Variants in CALN1 observed in about 807,000 individuals in gnomAD.
CALN1 encodes calneuron 1.
CALN1 carries 17 observed loss-of-function variants against 30.6 expected under a neutral mutation model. The ratio of observed to expected loss-of-function variants is 0.56; its 90% CI spans 0.38 to 0.83. CALN1 has a LOEUF of 0.83. Among genes scored for constraint, CALN1 ranks in the 40% least tolerant of loss-of-function variants. The pLI, the probability that CALN1 is intolerant of heterozygous loss-of-function variation, is 0.00. For synonymous variants in CALN1, 156 were observed against 131.4 expected (o/e 1.19, Z -1.28); for missense variants, 291 against 354.9 (o/e 0.82, Z 1.45).
intron 5 of CALN1, among the ~76,000 whole-genome samples, chr7:71,922,558 A>AATGTATT (rs1227078415): frequency 2.5e-5 from 2 of 79,666 alleles, no homozygotes; most frequent in Non-Finnish European, 5.0e-5. Context: ...TAACACACAG[A>AATGTATT]TTATATATAA....
intron 2 of CALN1, among the ~76,000 whole-genome samples, chr7:72,402,825 T>C (rs764486311): frequency 1.8e-4 from 28 of 152,320 alleles, no homozygotes; most frequent in Non-Finnish European, 3.7e-4. Context: ...CCTTTGGCTG[T>C]GATCTCAGTC....
In CALN1 at chr7:72,189,180, G is replaced by A. The variant is rs117618051; in HGVS notation, c.245-82886C>T. Among the ~76,000 whole-genome samples the A allele has an allele frequency of 3.2e-3, 481 of 152,334 alleles. 1 individual carries two copies. Among genetic ancestry groups the A allele is most frequent in the Non-Finnish European group, 6.0e-3 (405 of 68,030 alleles). ...AACATAGCCATGGCTGAGAATCGTT[G>A]TGGATTATCATGATAGGAAATTGAC... On this transcript the variant is annotated intron_variant, in intron 3 of 6. Coordinates refer to ENST00000395275, the MANE Select transcript of CALN1 (RefSeq NM_031468.4).
chr7:72,157,655 G>A (rs996198089), intron 3 of CALN1, among the ~76,000 whole-genome samples: 6 of 152,176 alleles, frequency 3.9e-5, no homozygotes, highest in African/African-American at 1.4e-4. Context: ...AAGTGGAAAT[G>A]GAGGGACAGA....
At chr7:71,883,328 C>T (rs1020457857) in intron 5 of CALN1, among the ~76,000 whole-genome samples, 5 of 152,022 alleles carry the variant, frequency 3.3e-5, no homozygotes, top group African/African-American at 4.8e-5. Context: ...ATGGGAGGAT[C>T]GCTTGAAGCC....
At chr7:72,404,341 G>T (rs1339356285) in intron 1 of CALN1, among the ~76,000 whole-genome samples, 1 of 152,166 alleles carries the variant, frequency 6.6e-6, no homozygotes, top group Non-Finnish European at 1.5e-5. Context: ...AAAATAATTG[G>T]TGCTCAATAA....
intron 5 of CALN1, among the ~76,000 whole-genome samples, chr7:71,849,320 C>T (rs760617180): frequency 5.3e-5 from 8 of 152,142 alleles, no homozygotes; most frequent in Admixed American, 2.6e-4. Context: ...TATATATGGA[C>T]TCCCAGTCCA....
intron 5 of CALN1, among the ~76,000 whole-genome samples, chr7:71,999,019 G>A (rs1248072240): frequency 1.3e-5 from 2 of 152,086 alleles, no homozygotes; most frequent in Non-Finnish European, 2.9e-5. Context: ...AATGTAAATG[G>A]TCTAAGTACA....
chr7:72,019,963 T>G (rs1413498072), intron 5 of CALN1, among the ~76,000 whole-genome samples: 1 of 152,190 alleles, frequency 6.6e-6, no homozygotes, highest in Admixed American at 6.5e-5. Context: ...TAGAGTCTCT[T>G]AAGTAGGATG....
chr7:71,859,722 G>C (rs899678712), intron 5 of CALN1, among the ~76,000 whole-genome samples: 1 of 152,234 alleles, frequency 6.6e-6, no homozygotes, highest in Non-Finnish European at 1.5e-5. Context: ...ATATGAATAA[G>C]CTGTAGGATG....
chr7:72,106,724 G>GGGAGGAAGGAAGGGAA (rs1807158843), intron 3 of CALN1, among the ~76,000 whole-genome samples: 1 of 57,808 alleles, frequency 1.7e-5, no homozygotes, highest in African/African-American at 7.3e-5. Flanking sequence ...GAGGAAGGGA[G>GGGAGGAAGGAAGGGAA]GGAGGGAGGA....
At chr7:72,303,272 C>T (rs1799421664) in intron 2 of CALN1, among the ~76,000 whole-genome samples, 1 of 152,002 alleles carries the variant, frequency 6.6e-6, no homozygotes, top group Non-Finnish European at 1.5e-5. Flanking sequence ...AAATCAGTGC[C>T]AAGGAGGACA....
intron 6 of CALN1, among the ~76,000 whole-genome samples, chr7:71,810,074 C>T (rs942546022): frequency 3.3e-5 from 5 of 152,112 alleles, no homozygotes; most frequent in African/African-American, 1.2e-4. Context: ...TCCAATCACA[C>T]GCAGACCTCA....
intron 5 of CALN1, among the ~76,000 whole-genome samples, chr7:71,927,427 C>A (rs1470610369): frequency 6.6e-6 from 1 of 152,176 alleles, no homozygotes; most frequent in African/African-American, 2.4e-5. Flanking sequence ...CCAGGCTGGT[C>A]TTGAACTACT....
intron 2 of CALN1, among the ~76,000 whole-genome samples, chr7:72,399,838 G>A (rs909222336): frequency 1.3e-5 from 2 of 152,152 alleles, no homozygotes; most frequent in Non-Finnish European, 2.9e-5. Context: ...GGTCATGCAG[G>A]CGGATGCCTC....
intron 5 of CALN1, among the ~76,000 whole-genome samples, chr7:71,863,626 T>C (rs1414733387): frequency 7.1e-6 from 1 of 139,978 alleles, no homozygotes; most frequent in African/African-American, 2.6e-5. Flanking sequence ...TACAAGCAAC[T>C]AGCTTGATGC....
At chr7:72,227,716 C>A (rs1215337164) in intron 3 of CALN1, among the ~76,000 whole-genome samples, 1 of 151,842 alleles carries the variant, frequency 6.6e-6, no homozygotes, top group South Asian at 2.1e-4. Flanking sequence ...AACAAATCTG[C>A]ACAAGTACCC....
chr7:71,795,814 C>CTTTTTTTTTT lies in CALN1; in HGVS notation c.659-7922_659-7913dup, dbSNP rs55667543. Among the ~76,000 whole-genome samples the CTTTTTTTTTT allele has an allele frequency of 1.2e-3, 120 of 98,548 alleles. 4 individuals are homozygous for CTTTTTTTTTT. Among genetic ancestry groups the CTTTTTTTTTT allele is most frequent in the African/African-American group, 4.8e-3 (106 of 22,290 alleles). 64.7% of individuals were successfully genotyped at this position (98,548 alleles called of 152,430 possible). ...ATGTAGCATTTACCAGTACTTCATT[C>CTTTTTTTTTT]TTTTTTTTTTTTTTTTTTTTTTGAG... On this transcript the variant is annotated intron_variant, in intron 6 of 6. Transcript: ENST00000395275.
chr7:71,960,745 A>G (rs1442684828), intron 5 of CALN1, among the ~76,000 whole-genome samples: 1 of 151,774 alleles, frequency 6.6e-6, no homozygotes, highest in Non-Finnish European at 1.5e-5. Flanking sequence ...ATATTCTTCC[A>G]CTCTCTACCT....
At chr7:72,013,684 T>C (rs1800220288) in intron 5 of CALN1, among the ~76,000 whole-genome samples, 1 of 152,194 alleles carries the variant, frequency 6.6e-6, no homozygotes, top group African/African-American at 2.4e-5. Flanking sequence ...TTTTCCATTT[T>C]TTTCTATGAC....
Sources: allele counts gnomAD v4.1 joint callset (sites outside exome capture counted in the v4.1 genomes callset), GRCh38; gene constraint gnomAD v4.1.1; transcripts MANE v1.5; gene names NCBI Gene and HGNC (gene_info 2026-07-23, HGNC 2026-07-21).